COL21A1: variants seen among roughly 807,000 people sequenced by gnomAD.
The protein encoded by COL21A1 is collagen type XXI alpha 1 chain, also known as collagen alpha-1(XXI) chain.
A neutral mutation model predicts 137.9 loss-of-function variants in COL21A1; 149 were observed. That is an observed-to-expected ratio of 1.08 (90% CI 0.95 to 1.24). The LOEUF (loss-of-function observed/expected upper bound fraction) is 1.24, where lower values mean the gene tolerates loss of function less well. Among genes scored for constraint, COL21A1 ranks in the 50% most tolerant of loss-of-function variants. The pLI is 0.00. For missense variants in COL21A1, 1,167 were observed against 1,158.4 expected (o/e 1.01, Z -0.11); for synonymous variants, 456 against 391.5 (o/e 1.16, Z -1.95).
At chr6:56,116,656 T>C (rs1209970855) in intron 16 of COL21A1, among the ~76,000 whole-genome samples, 2 of 151,924 alleles carry the variant, frequency 1.3e-5, no homozygotes, top group African/African-American at 4.8e-5. Context: ...ACACGGAATA[T>C]TATACACTGT....
intron 12 of COL21A1, among the ~76,000 whole-genome samples, chr6:56,128,403 A>T (rs1451007566): frequency 6.6e-6 from 1 of 151,906 alleles, no homozygotes; most frequent in African/African-American, 2.4e-5. Flanking sequence ...GTGATTCTTT[A>T]TTGTCAGCTC....
intron 16 of COL21A1, among the ~76,000 whole-genome samples, chr6:56,104,759 C>T (rs1038639951): frequency 6.6e-6 from 1 of 152,052 alleles, no homozygotes; most frequent in Non-Finnish European, 1.5e-5. Context: ...CACAACAAGA[C>T]AGTTCTTTAA....
chr6:56,170,835 T>A lies in COL21A1; in HGVS notation c.840A>T (p.Ser280=), dbSNP rs577206382. ...SNVFPEGLPP[S]YVFVSTQRFK... ...ATCTTTGAGTAGACACAAATACATATGATGGAGGAAGACCTTCTGGGAAAA... is the reference window on the plus strand; with the variant it reads ...ATCTTTGAGTAGACACAAATACATAAGATGGAGGAAGACCTTCTGGGAAAA... The change falls in exon 5 of 30, where the codon TCA becomes TCT. Residue 280 remains serine (S), a synonymous_variant. Coordinates refer to ENST00000244728, the MANE Select transcript of COL21A1 (RefSeq NM_030820.4). 7.4e-6 allele frequency: 12 copies of A among 1,611,056 alleles called. No homozygotes were observed. The Middle Eastern group carries it at 5.0e-4, about 67-fold the overall frequency.
intron 1 of COL21A1, among the ~76,000 whole-genome samples, chr6:56,316,476 A>AATTTTTTTTTTTTT (rs776151498): frequency 3.3e-5 from 1 of 30,354 alleles, no homozygotes. Flanking sequence ...TTCTAAATAG[A>AATTTTTTTTTTTTT]CTTTTTTTTT....
At chr6:56,188,801 T>G (rs532192032) in intron 1 of COL21A1, among the ~76,000 whole-genome samples, 9 of 152,264 alleles carry the variant, frequency 5.9e-5, no homozygotes, top group Middle Eastern at 3.4e-3. Flanking sequence ...CAGCAATCTT[T>G]GCTGTTCTGC....
intron 1 of COL21A1, among the ~76,000 whole-genome samples, chr6:56,354,380 T>C (rs919068308): frequency 9.2e-5 from 14 of 152,158 alleles, no homozygotes; most frequent in Admixed American, 9.2e-4. Flanking sequence ...AAAATGTATC[T>C]TAAAAATTAA....
At position 56,075,486 on chromosome 6, in the gene COL21A1, C is replaced by T; in HGVS notation, c.1904G>A (p.Gly635Glu). 1 of 1,537,950 alleles carries T rather than the reference C, an allele frequency of 6.5e-7. No homozygotes were observed. The highest frequency in any genetic ancestry group is 8.8e-7 in the Non-Finnish European group (1 of 1,141,520). The change falls in exon 19 of 30, where the codon GGG becomes GAG. Residue 635 changes from glycine to glutamate, a missense_variant. By Grantham distance (98) the Gly-to-Glu change is moderately conservative. Coordinates refer to ENST00000244728, the MANE Select transcript of COL21A1 (RefSeq NM_030820.4). ...PGQQGKKGAP[G>E]MPGLMGSNGS... ...ATAATGACATCAACATACAGGCATC[C>T]CTGGGGCTCCTTTTTTTCCTTGCTG... is the stretch of plus-strand genomic sequence containing the variant.
chr6:56,345,725 C>T (rs78961487), intron 1 of COL21A1, among the ~76,000 whole-genome samples: 24,900 of 152,202 alleles, frequency 0.16, 2,185 homozygotes, highest in Non-Finnish European at 0.18. Context: ...GTGTGTCTTT[C>T]AACAAATCAA....
intron 10 of COL21A1, among the ~76,000 whole-genome samples, chr6:56,144,705 CCTAA>C (rs944571779): frequency 3.9e-5 from 6 of 152,252 alleles, no homozygotes; most frequent in Non-Finnish European, 7.4e-5. Flanking sequence ...TTGGAGATGC[CCTAA>C]CTGTGTTCCC....
At chr6:56,301,495 T>C (rs1764277965) in intron 1 of COL21A1, among the ~76,000 whole-genome samples, 1 of 152,144 alleles carries the variant, frequency 6.6e-6, no homozygotes, top group Admixed American at 6.6e-5. Context: ...TAAATTTCTG[T>C]TCTTTTAAGC....
intron 1 of COL21A1, among the ~76,000 whole-genome samples, chr6:56,369,448 T>TA (rs147975356): frequency 0.043 from 6,448 of 151,270 alleles, 435 homozygotes; most frequent in African/African-American, 0.15. Context: ...AAAATATTGA[T>TA]AAAAAAAGTG....
At chr6:56,300,337 C>T (rs1384161405) in intron 1 of COL21A1, among the ~76,000 whole-genome samples, 2 of 152,004 alleles carry the variant, frequency 1.3e-5, no homozygotes, top group Non-Finnish European at 2.9e-5. Context: ...CTTGTTCAAG[C>T]TGAGTAACAG....
At chr6:56,111,834 A>G (rs1023862000) in intron 16 of COL21A1, among the ~76,000 whole-genome samples, 5 of 152,092 alleles carry the variant, frequency 3.3e-5, no homozygotes, top group African/African-American at 1.2e-4. Flanking sequence ...AGATCGTGCC[A>G]TTGCACTTCA....
At chr6:56,184,439 T>C (rs368515857) in intron 1 of COL21A1, among the ~76,000 whole-genome samples, 1 of 87,342 alleles carries the variant, frequency 1.1e-5, no homozygotes, top group Non-Finnish European at 2.5e-5. Context: ...AAACAAAAAA[T>C]GAAAAAAAAT....
At chr6:56,317,710 A>G (rs190387909) in intron 1 of COL21A1, among the ~76,000 whole-genome samples, 43 of 152,224 alleles carry the variant, frequency 2.8e-4, no homozygotes, top group Non-Finnish European at 2.9e-4. Flanking sequence ...CACCTCGTAT[A>G]TCTCCAGCTC....
At chr6:56,270,455 A>C (rs2152332336) in intron 1 of COL21A1, among the ~76,000 whole-genome samples, 1 of 152,344 alleles carries the variant, frequency 6.6e-6, no homozygotes, top group African/African-American at 2.4e-5. Context: ...TTAGACAGCC[A>C]TACAATAATA....
intron 1 of COL21A1, among the ~76,000 whole-genome samples, chr6:56,191,176 C>G (rs554085822): frequency 9.9e-5 from 15 of 152,264 alleles, no homozygotes; most frequent in African/African-American, 3.6e-4. Context: ...TCTCAGTTTG[C>G]AGATGACAAG....
intron 1 of COL21A1, among the ~76,000 whole-genome samples, chr6:56,342,752 T>G (rs1274158576): frequency 1.3e-5 from 2 of 152,186 alleles, no homozygotes; most frequent in African/African-American, 4.8e-5. Context: ...CATGGATGCT[T>G]TGTAAAGCCC....
chr6:56,211,018 A>AAGGTGG (rs889651965), intron 1 of COL21A1, among the ~76,000 whole-genome samples: 18 of 151,650 alleles, frequency 1.2e-4, no homozygotes, highest in African/African-American at 4.1e-4. Flanking sequence ...TGACAGTAGC[A>AAGGTGG]AGGTGGTTGT....
Sources: allele counts gnomAD v4.1 joint callset (sites outside exome capture counted in the v4.1 genomes callset), GRCh38; gene constraint gnomAD v4.1.1; transcripts MANE v1.5; gene names NCBI Gene and HGNC (gene_info 2026-07-23, HGNC 2026-07-21).